The following KLHDC3 variants were observed in gnomAD, a reference collection of about 807,000 sequenced individuals.
KLHDC3 encodes kelch domain containing 3, also known as kelch domain-containing protein 3.
KLHDC3 carries 5 observed loss-of-function variants against 44.1 expected under a neutral mutation model. The ratio of observed to expected loss-of-function variants is 0.11; its 90% CI spans 0.06 to 0.24. KLHDC3 has a LOEUF of 0.24. Ranked by LOEUF, KLHDC3 falls within the 10% of genes least tolerant of loss-of-function variation. The probability of loss-of-function intolerance (pLI) is 1.00; values close to 1 mark genes in which losing one functional copy is unlikely to be tolerated. For missense variants in KLHDC3, 247 were observed against 514.3 expected, an observed-to-expected ratio of 0.48 and a Z score of 5.03; for synonymous variants, 170 against 189.0, an observed-to-expected ratio of 0.90 and a Z score of 0.82.
At chr6:43,015,881 A>T (rs1433672747) in intron 1 of KLHDC3, among the ~76,000 whole-genome samples, 1 of 145,624 alleles carries the variant, frequency 6.9e-6, no homozygotes, top group Non-Finnish European at 1.5e-5. Flanking sequence ...AAAGACCATG[A>T]CTTCTCATGC....
At chr6:43,015,709 G>T (rs1762552845) in intron 1 of KLHDC3, among the ~76,000 whole-genome samples, 1 of 151,948 alleles carries the variant, frequency 6.6e-6, no homozygotes, top group Admixed American at 6.5e-5. Flanking sequence ...AATTAGCTGG[G>T]CATGGTGGCA....
chr6:43,020,754 C>G lies in KLHDC3; in HGVS notation c.*21C>G. ...GGTAGGAGGAAGTTTCTGCCACCTCCCCTCCTGAGCCTGCTGTCATCTTCA... is the reference window on the plus strand; with the variant it reads ...GGTAGGAGGAAGTTTCTGCCACCTCGCCTCCTGAGCCTGCTGTCATCTTCA... On this transcript the variant is annotated 3_prime_UTR_variant, in exon 11 of 11. Transcript: ENST00000326974. 1 of 1,587,392 alleles carries G rather than the reference C, an allele frequency of 6.3e-7. No homozygotes were observed. Among genetic ancestry groups the G allele is most frequent in the Non-Finnish European group, 8.7e-7 (1 of 1,155,634 alleles).
At position 43,014,256 on chromosome 6, in the gene KLHDC3, T is replaced by G. The variant is rs1762499492; in HGVS notation, c.-152T>G. On this transcript the variant is annotated 5_prime_UTR_variant, in exon 1 of 11. Coordinates refer to ENST00000326974, the MANE Select transcript of KLHDC3 (RefSeq NM_057161.4). ...AGAACCGAGCTTGGCTGTGTTTATC[T>G]CGTTGGGGACTAAGGCGTCGGTTGG... 1 of 980,960 alleles carries G rather than the reference T, an allele frequency of 1.0e-6. No homozygotes were observed. The highest frequency in any genetic ancestry group is 1.6e-5 in the African/African-American group (1 of 60,678). The allele number at this position is 980,960 out of a possible 1,614,324, so 60.8% of individuals were successfully genotyped here.
In KLHDC3 at chr6:43,018,012, AAG is replaced by A. The variant is rs770014003; in HGVS notation, c.447+47_447+48del. 7.7e-5 allele frequency: 119 copies of A among 1,541,338 alleles called. No individual in the cohort carries two copies. The African/African-American group carries it at 1.5e-3, about 19-fold the overall frequency. On this transcript the variant is annotated intron_variant, in intron 4 of 10. Coordinates refer to ENST00000326974, the MANE Select transcript of KLHDC3 (RefSeq NM_057161.4). This position sits in a 1 kb window ranked among gnomAD's most constrained non-coding sequence, Gnocchi z 6.0. ...TAAGAGGTTTAGGGTGGGACTGAGA[AAG>A]AGGGGAAGGGCAATTTAGGATGGTG...
chr6:43,020,825 C>A lies in KLHDC3; in HGVS notation c.*92C>A. ...CCCACCTGCTCCTTTGACCCCTGGACTTGGTATACCTCCATGTGGAGTTGT... is the reference window on the plus strand; with the variant it reads ...CCCACCTGCTCCTTTGACCCCTGGAATTGGTATACCTCCATGTGGAGTTGT... On this transcript the variant is annotated 3_prime_UTR_variant, in exon 11 of 11. Coordinates refer to ENST00000326974, the MANE Select transcript of KLHDC3 (RefSeq NM_057161.4). 1 of 948,028 alleles carries A rather than the reference C, an allele frequency of 1.1e-6. No homozygotes were observed. Among genetic ancestry groups the A allele is most frequent in the Non-Finnish European group, 1.7e-6 (1 of 577,866 alleles). The allele number at this position is 948,028 out of a possible 1,614,324, so 58.7% of individuals were successfully genotyped here. A position where few individuals can be genotyped will look rare whatever the true frequency, so the allele number is the denominator to read the frequency against.
At chr6:43,020,536 TA>T (rs1762667087) in intron 10 of KLHDC3, 130 bp from the exon 11 acceptor site, 2 of 691,388 alleles carry the variant, frequency 2.9e-6, no homozygotes, top group African/African-American at 1.8e-5. Flanking sequence ...GTCTCTTAAG[TA>T]AGAGGTGGCT....
At chr6:43,015,298 G>C (rs1185447682) in intron 1 of KLHDC3, among the ~76,000 whole-genome samples, 1 of 152,090 alleles carries the variant, frequency 6.6e-6, no homozygotes, top group Non-Finnish European at 1.5e-5. Flanking sequence ...GGGGAGGTTG[G>C]GTGGGTGGGA....
At position 43,017,160 on chromosome 6, in the gene KLHDC3, G is replaced by C. The variant is rs373950853; in HGVS notation, c.-33G>C. 6.2e-6 allele frequency: 10 copies of C among 1,600,948 alleles called. No homozygotes were observed. The highest frequency in any genetic ancestry group is 2.2e-5 in the East Asian group (1 of 44,780). ...TAGCAGAGGCAGCAGGCCGTGCCGGGGGGGCATGTTGCTGTAACCAGTGGC... is the reference window on the plus strand; with the variant it reads ...TAGCAGAGGCAGCAGGCCGTGCCGGCGGGGCATGTTGCTGTAACCAGTGGC... On this transcript the variant is annotated 5_prime_UTR_variant, in exon 2 of 11. Coordinates refer to ENST00000326974, the MANE Select transcript of KLHDC3 (RefSeq NM_057161.4). This position sits in a 1 kb window ranked among gnomAD's most constrained non-coding sequence, Gnocchi z 6.0.
chr6:43,019,095 A>G lies in KLHDC3; in HGVS notation c.933A>G (p.Pro311=), dbSNP rs1762639873. Residue 311 remains proline, a synonymous_variant, in exon 9 of 11, where the codon CCA becomes CCG. Coordinates refer to ENST00000326974, the MANE Select transcript of KLHDC3 (RefSeq NM_057161.4). ...DKIVLFGGTS[P]SPEEGLGDEF... ...ATCTCTCTTTTGATCCCGACAGTCC[A>G]TCTCCTGAGGAAGGCCTGGGAGATG... 1 of 1,613,230 alleles carries G rather than the reference A, an allele frequency of 6.2e-7. No homozygotes were observed. The highest frequency in any genetic ancestry group is 8.5e-7 in the Non-Finnish European group (1 of 1,179,136).
chr6:43,018,594 G>A lies in KLHDC3; in HGVS notation c.733+38G>A. The A allele has an allele frequency of 1.2e-6, 2 of 1,612,232 alleles. No homozygotes were observed. Among genetic ancestry groups the A allele is most frequent in the South Asian group, 2.2e-5 (2 of 91,046 alleles). ...TACTTCCCTGTGGAGTTCCCTTCCT[G>A]CCCTCTTCACACTCCTGACACTTCC... On this transcript the variant is annotated intron_variant, in intron 6 of 10. Transcript: ENST00000326974. This position sits in a 1 kb window ranked among gnomAD's most constrained non-coding sequence, Gnocchi z 6.0.
Position 43,021,154 on chromosome 6 carries a change from G to C in KLHDC3, c.*421G>C, listed in dbSNP as rs1421932468. 2 of 465,506 alleles carry C rather than the reference G, an allele frequency of 4.3e-6. No homozygotes were observed. The highest frequency in any genetic ancestry group is 4.7e-5 in the Admixed American group (2 of 42,630). The allele number at this position is 465,506 out of a possible 1,614,324, so 28.8% of individuals were successfully genotyped here. On this transcript the variant is annotated 3_prime_UTR_variant, in exon 11 of 11. Coordinates refer to ENST00000326974, the MANE Select transcript of KLHDC3 (RefSeq NM_057161.4). Reference sequence around the variant, plus strand: ...CCTTGACTGGGAGCTGAAAGGAGTTGCAGCTGTTGGCATGAGACCTCCTTC... The same window carrying C: ...CCTTGACTGGGAGCTGAAAGGAGTTCCAGCTGTTGGCATGAGACCTCCTTC...
In KLHDC3 at chr6:43,021,110, C is replaced by G. The variant is rs557437789; in HGVS notation, c.*377C>G. 6.3e-6 allele frequency: 3 copies of G among 475,612 alleles called. No individual in the cohort carries two copies. The highest frequency in any genetic ancestry group is 5.9e-5 in the African/African-American group (3 of 50,960). The allele number at this position is 475,612 out of a possible 1,614,324, so 29.5% of individuals were successfully genotyped here. A position where few individuals can be genotyped will look rare whatever the true frequency, so the allele number is the denominator to read the frequency against. ...CCCTCCCCCTTTGCCTATCCCCTCC[C>G]CTCTGCTTGAGCCTTGAGCCTTGAC... is the stretch of plus-strand genomic sequence containing the variant. On this transcript the variant is annotated 3_prime_UTR_variant, in exon 11 of 11. Transcript: ENST00000326974.
intron 1 of KLHDC3, chr6:43,016,769 A>C (rs1428218210): frequency 1.1e-5 from 2 of 175,750 alleles, no homozygotes; most frequent in African/African-American, 4.7e-5. Flanking sequence ...GGTGGCAGTA[A>C]GCAGAGCAGA....
Position 43,014,276 on chromosome 6 carries a change from G to T in KLHDC3, c.-132G>T. ...TTATCTCGTTGGGGACTAAGGCGTCGGTTGGCGCGCAACGGGTTCTAGGCT... is the reference window on the plus strand; with the variant it reads ...TTATCTCGTTGGGGACTAAGGCGTCTGTTGGCGCGCAACGGGTTCTAGGCT... On this transcript the variant is annotated 5_prime_UTR_variant, in exon 1 of 11. Transcript: ENST00000326974. 1 of 813,580 alleles carries T rather than the reference G, an allele frequency of 1.2e-6. No homozygotes were observed. The highest frequency in any genetic ancestry group is 1.9e-6 in the Non-Finnish European group (1 of 534,974). The allele number at this position is 813,580 out of a possible 1,614,324, so 50.4% of individuals were successfully genotyped here. A position where few individuals can be genotyped will look rare whatever the true frequency, so the allele number is the denominator to read the frequency against.
In KLHDC3 at chr6:43,020,856, G is replaced by A. The variant is rs570746217; in HGVS notation, c.*123G>A. On this transcript the variant is annotated 3_prime_UTR_variant, in exon 11 of 11. Coordinates refer to ENST00000326974, the MANE Select transcript of KLHDC3 (RefSeq NM_057161.4). ...ATACCTCCATGTGGAGTTGTTGGGC[G>A]AGAGGTGTTCTCTGTGCTGTGAATT... 1.5e-4 allele frequency: 121 copies of A among 783,454 alleles called. 1 individual carries two copies. In the South Asian group the frequency reaches 1.6e-3, roughly 10 times the overall value. The allele number at this position is 783,454 out of a possible 1,614,324, so 48.5% of individuals were successfully genotyped here.
Position 43,021,115 on chromosome 6 carries a change from GCTTGAGC to G in KLHDC3, c.*395_*401del. 2 of 474,588 alleles carry G rather than the reference GCTTGAGC, an allele frequency of 4.2e-6. No homozygotes were observed. The highest frequency in any genetic ancestry group is 3.1e-5 in the South Asian group (2 of 64,728). The allele number at this position is 474,588 out of a possible 1,614,324, so 29.4% of individuals were successfully genotyped here. A position where few individuals can be genotyped will look rare whatever the true frequency, so the allele number is the denominator to read the frequency against. ...CCCCTTTGCCTATCCCCTCCCCTCT[GCTTGAGC>G]CTTGAGCCTTGACTGGGAGCTGAAA... On this transcript the variant is annotated 3_prime_UTR_variant, in exon 11 of 11. Coordinates refer to ENST00000326974, the MANE Select transcript of KLHDC3 (RefSeq NM_057161.4).
Position 43,018,088 on chromosome 6 carries a change from G to A in KLHDC3, c.448-57G>A. On this transcript the variant is annotated intron_variant, in intron 4 of 10. Transcript: ENST00000326974. This position sits in a 1 kb window ranked among gnomAD's most constrained non-coding sequence, Gnocchi z 6.0. Reference sequence around the variant, plus strand: ...GCAGGTTTTGAGGGGAGGGATGGAGGGTCAGAGAGTGACCATTGGCTCCCT... The same window carrying A: ...GCAGGTTTTGAGGGGAGGGATGGAGAGTCAGAGAGTGACCATTGGCTCCCT... 3 of 1,419,386 alleles carry A rather than the reference G, an allele frequency of 2.1e-6. No homozygotes were observed. The highest frequency in any genetic ancestry group is 3.0e-6 in the Non-Finnish European group (3 of 1,003,014). 87.9% of individuals were successfully genotyped at this position (1,419,386 alleles called of 1,614,324 possible).
intron 9 of KLHDC3, 21 bp from the exon 10 acceptor site, chr6:43,019,267 T>C (rs138663915): frequency 1.2e-6 from 2 of 1,603,376 alleles, no homozygotes; most frequent in African/African-American, 2.7e-5. Context: ...CCATCTCCTT[T>C]CCACAACTTC....
intron 1 of KLHDC3, 185 bp downstream of exon 1, chr6:43,014,533 G>C (rs746105229): frequency 2.1e-6 from 1 of 467,882 alleles, no homozygotes; most frequent in South Asian, 1.5e-5. Context: ...CGAGGAGATG[G>C]GTAGGAGAGA....
Sources: allele counts gnomAD v4.1 joint callset (sites outside exome capture counted in the v4.1 genomes callset), GRCh38; gene constraint gnomAD v4.1.1; non-coding constraint Gnocchi (gnomAD v3.1); transcripts MANE v1.5; gene names NCBI Gene and HGNC (gene_info 2026-07-23, HGNC 2026-07-21).